The following CHMP2B variants were observed in gnomAD, a reference collection of about 807,000 sequenced individuals.
CHMP2B encodes charged multivesicular body protein 2B.
CHMP2B carries 22 observed loss-of-function variants against 29.8 expected under a neutral mutation model. The ratio of observed to expected loss-of-function variants is 0.74; its 90% CI spans 0.53 to 1.05. The LOEUF (loss-of-function observed/expected upper bound fraction) is 1.05. Among genes scored for constraint, CHMP2B ranks in the 50% least tolerant of loss-of-function variants. The pLI is 0.00. For missense variants in CHMP2B, 261 were observed against 252.2 expected (o/e 1.03, Z -0.24); for synonymous variants, 78 against 75.8 (o/e 1.03, Z -0.15).
chr3:87,253,391 C>A lies in CHMP2B; in HGVS notation c.425-13C>A, dbSNP rs776086385. 1 of 1,488,456 alleles carries A rather than the reference C, an allele frequency of 6.7e-7. No individual in the cohort carries two copies. Among genetic ancestry groups the A allele is most frequent in the Non-Finnish European group, 9.4e-7 (1 of 1,066,062 alleles). The allele number at this position is 1,488,456 out of a possible 1,614,324, so 92.2% of individuals were successfully genotyped here. A position where few individuals can be genotyped will look rare whatever the true frequency, so the allele number is the denominator to read the frequency against. On this transcript the variant is annotated splice_polypyrimidine_tract_variant and intron_variant, in intron 4 of 5. Coordinates refer to ENST00000263780, the MANE Select transcript of CHMP2B (RefSeq NM_014043.4). ...GAAAGTAACTGCTTTGCTCCTTCTC[C>A]CATATCCCCTAGTCAATGATACACT...
rs1392376518 is a variant in CHMP2B, at chr3:87,240,796, T to C, written c.126+6T>C. ...AGAAACAAGAAAAACAGCTGGTAAG[T>C]AGAACGTTAAATTTCAGTTTAACTT... On this transcript the variant is annotated splice_donor_region_variant and intron_variant, in intron 2 of 5. Coordinates refer to ENST00000263780, the MANE Select transcript of CHMP2B (RefSeq NM_014043.4). 4 of 1,605,394 alleles carry C rather than the reference T, an allele frequency of 2.5e-6. No homozygotes were observed. The highest frequency in any genetic ancestry group is 3.4e-6 in the Non-Finnish European group (4 of 1,172,208).
rs1270643250 is a variant in CHMP2B at position 87,240,823 on chromosome 3, T to C, written c.126+33T>C. 1.9e-6 allele frequency: 3 copies of C among 1,538,684 alleles called. No individual in the cohort carries two copies. The Admixed American group carries it at 5.0e-5, about 26-fold the overall frequency. On this transcript the variant is annotated intron_variant, in intron 2 of 5. Transcript: ENST00000263780. ...GAACGTTAAATTTCAGTTTAACTTT[T>C]CAAACAAATTTGGAAATTACTGTAG...
At chr3:87,249,442 AGATT>A (rs1234557837) in intron 3 of CHMP2B, among the ~76,000 whole-genome samples, 4 of 152,092 alleles carry the variant, frequency 2.6e-5, no homozygotes, top group Admixed American at 6.6e-5. Context: ...ATGTGTTAAT[AGATT>A]AAGTATATAT....
At chr3:87,240,250 G>A (rs1264888284) in intron 1 of CHMP2B, 3 of 150,506 alleles carry the variant, frequency 2.0e-5, no homozygotes, top group Non-Finnish European at 4.4e-5. Context: ...TAATTTTTTA[G>A]CATATTAAAG....
rs545684240 is a variant in CHMP2B, at chr3:87,252,359, G to A, written c.425-1045G>A. Among the ~76,000 whole-genome samples the A allele has an allele frequency of 4.0e-5, 6 of 151,840 alleles. No individual in the cohort carries two copies. In the South Asian group the frequency reaches 1.2e-3, roughly 32 times the overall value. ...GATACCAGGAGAGGAACAATTTTAG[G>A]CTAGCTGCTTTAATTTTTTTTTTTT... On this transcript the variant is annotated intron_variant, in intron 4 of 5. Transcript: ENST00000263780.
intron 2 of CHMP2B, among the ~76,000 whole-genome samples, chr3:87,244,928 T>C (rs1468044339): frequency 6.6e-6 from 1 of 152,226 alleles, no homozygotes; most frequent in African/African-American, 2.4e-5. Context: ...TTGATATTTC[T>C]CATGCTAATT....
chr3:87,228,409 A>G (rs563670459), intron 1 of CHMP2B, among the ~76,000 whole-genome samples: 4 of 152,350 alleles, frequency 2.6e-5, no homozygotes, highest in East Asian at 3.9e-4. Flanking sequence ...TGTGTTCCCC[A>G]TTATATGTTT....
At chr3:87,253,637 C>T in intron 5 of CHMP2B, 75 bp from the exon 6 acceptor site, 1 of 1,405,144 alleles carries the variant, frequency 7.1e-7, no homozygotes, top group African/African-American at 1.4e-5. Context: ...AAACAGACCT[C>T]TTTACAGCAC....
At chr3:87,236,432 T>C (rs1706012379) in intron 1 of CHMP2B, among the ~76,000 whole-genome samples, 1 of 152,140 alleles carries the variant, frequency 6.6e-6, no homozygotes, top group African/African-American at 2.4e-5. Context: ...AAAAAATGTA[T>C]GTAGATAGAA....
chr3:87,231,099 T>C (rs1422813006), intron 1 of CHMP2B, among the ~76,000 whole-genome samples: 3 of 152,116 alleles, frequency 2.0e-5, no homozygotes, highest in Non-Finnish European at 4.4e-5. Flanking sequence ...CCCTGCATGA[T>C]CTTATTTACT....
chr3:87,232,399 A>C (rs966713447), intron 1 of CHMP2B, among the ~76,000 whole-genome samples: 1 of 152,192 alleles, frequency 6.6e-6, no homozygotes, highest in Non-Finnish European at 1.5e-5. Flanking sequence ...TGGTACCTGC[A>C]GAATTCAGAT....
At chr3:87,249,239 G>A (rs1706270083) in intron 3 of CHMP2B, among the ~76,000 whole-genome samples, 1 of 152,052 alleles carries the variant, frequency 6.6e-6, no homozygotes, top group Non-Finnish European at 1.5e-5. Context: ...ATCTTATGGG[G>A]CCACTGTCGT....
At chr3:87,230,956 C>G (rs1304003822) in intron 1 of CHMP2B, among the ~76,000 whole-genome samples, 1 of 152,118 alleles carries the variant, frequency 6.6e-6, no homozygotes, top group African/African-American at 2.4e-5. Context: ...TAATTTTCCT[C>G]AAATTCCTCT....
intron 2 of CHMP2B, among the ~76,000 whole-genome samples, chr3:87,241,329 A>C (rs985923386): frequency 1.3e-5 from 2 of 152,210 alleles, no homozygotes; most frequent in African/African-American, 2.4e-5. Flanking sequence ...TAAACTGTAC[A>C]TATTTCAGGT....
At position 87,253,747 on chromosome 3, in the gene CHMP2B, A is replaced by C; in HGVS notation, c.567A>C (p.Pro189=). The change falls in exon 6 of 6, where the codon CCA becomes CCC. Residue 189 remains proline, a synonymous_variant. Transcript: ENST00000263780. ...AKAPSAARSL[P]SASTSKATIS... ...CTCCATCAGCTGCTCGAAGCTTACC[A>C]TCTGCCTCTACTTCAAAGGCTACAA... 6.2e-7 allele frequency: 1 copy of C among 1,612,556 alleles called. No individual in the cohort carries two copies. The highest frequency in any genetic ancestry group is 1.1e-5 in the South Asian group (1 of 91,070).
chr3:87,232,874 A>T (rs777726059), intron 1 of CHMP2B, among the ~76,000 whole-genome samples: 1 of 152,212 alleles, frequency 6.6e-6, no homozygotes, highest in Non-Finnish European at 1.5e-5. Context: ...ACATGTGCCC[A>T]TCTCAAAACC....
rs988257806 is a variant in CHMP2B, at chr3:87,253,327, C to G, written c.425-77C>G. The G allele has an allele frequency of 4.7e-6, 4 of 854,568 alleles. No individual in the cohort carries two copies. In the African/African-American group the frequency reaches 6.7e-5, roughly 14 times the overall value. 52.9% of individuals were successfully genotyped at this position (854,568 alleles called of 1,614,324 possible). A position where few individuals can be genotyped will look rare whatever the true frequency, so the allele number is the denominator to read the frequency against. ...TTCTGTAATATACAAAATAGTTGGG[C>G]TAGACTGTAAATATGTAAGTCTAAC... On this transcript the variant is annotated intron_variant, in intron 4 of 5. Coordinates refer to ENST00000263780, the MANE Select transcript of CHMP2B (RefSeq NM_014043.4).
At chr3:87,250,788 T>C (rs1412212317) in intron 4 of CHMP2B, among the ~76,000 whole-genome samples, 1 of 151,910 alleles carries the variant, frequency 6.6e-6, no homozygotes. Flanking sequence ...TATCTTTGAC[T>C]GAATTTCTTA....
chr3:87,245,820 T>G lies in CHMP2B; in HGVS notation c.233T>G (p.Val78Gly). 1 of 1,613,836 alleles carries G rather than the reference T, an allele frequency of 6.2e-7. No homozygotes were observed. Among genetic ancestry groups the G allele is most frequent in the Non-Finnish European group, 8.5e-7 (1 of 1,179,868 alleles). ...AAACAGAAGACGAGAACTTTTGCTG[T>G]AAGTTCAAAAGTTACTTCTATGTCT... is the stretch of plus-strand genomic sequence containing the variant. ...LRKQKTRTFA[V>G]SSKVTSMSTQ... is the part of the protein sequence containing the mutation. The change falls in exon 3 of 6, where the codon GTA becomes GGA. Residue 78 changes from valine (V) to glycine (G), a missense_variant. Coordinates refer to ENST00000263780, the MANE Select transcript of CHMP2B (RefSeq NM_014043.4).
Sources: gnomAD v4.1 joint callset for allele counts (sites outside exome capture counted in the v4.1 genomes callset) on GRCh38, gnomAD v4.1.1 for gene constraint, MANE v1.5 for transcripts, NCBI Gene and HGNC (gene_info 2026-07-23, HGNC 2026-07-21) for gene names.